Variants in ASIC2 observed in about 807,000 individuals in gnomAD.
ASIC2 encodes acid-sensing ion channel 2.
In ASIC2, 25 loss-of-function variants were observed where a neutral mutation model predicts 57.3. That is an observed-to-expected ratio of 0.44 (90% CI 0.32 to 0.61). The LOEUF is 0.61. Among genes scored for constraint, ASIC2 ranks in the 20% least tolerant of loss-of-function variants. The pLI, the probability that ASIC2 is intolerant of heterozygous loss-of-function variation, is 0.06. For missense variants in ASIC2, 641 were observed against 738.1 expected (o/e 0.87, Z 1.52); for synonymous variants, 319 against 307.5 (o/e 1.04, Z -0.39).
At chr17:33,422,033 C>T (rs1283892072) in intron 1 of ASIC2, among the ~76,000 whole-genome samples, 1 of 152,208 alleles carries the variant, frequency 6.6e-6, no homozygotes. Context: ...TCTATTCATT[C>T]TTCAAAATCC....
intron 1 of ASIC2, among the ~76,000 whole-genome samples, chr17:33,764,571 G>T (rs771284129): frequency 3.9e-5 from 6 of 152,118 alleles, no homozygotes; most frequent in Non-Finnish European, 8.8e-5. Context: ...AGGCAGCATG[G>T]GGCATCACAT....
rs375496633 is a variant in ASIC2 at position 34,143,294 on chromosome 17, A to G, written c.555+12684T>C. On this transcript the variant is annotated intron_variant, in intron 1 of 9. Transcript: ENST00000359872. ...AGCCTAACCTATGTTCAACTGTGAA[A>G]TAGACATATTGGTACATGCTATGGT... Among the ~76,000 whole-genome samples, 21 of 152,366 alleles carry G rather than the reference A, an allele frequency of 1.4e-4. 1 individual carries two copies. The highest frequency in any genetic ancestry group is 5.1e-4 in the African/African-American group (21 of 41,582).
intron 1 of ASIC2, among the ~76,000 whole-genome samples, chr17:34,085,375 C>T (rs1910071765): frequency 6.6e-6 from 1 of 152,144 alleles, no homozygotes; most frequent in South Asian, 2.1e-4. Flanking sequence ...GACTTGCATC[C>T]CAGGGATGAA....
At chr17:33,114,502 G>T (rs952678201) in intron 1 of ASIC2, among the ~76,000 whole-genome samples, 4 of 152,198 alleles carry the variant, frequency 2.6e-5, no homozygotes, top group Non-Finnish European at 4.4e-5. Flanking sequence ...GAAGGGATTT[G>T]CAAGCAAAAG....
At chr17:33,814,943 A>G (rs1423078145) in intron 1 of ASIC2, among the ~76,000 whole-genome samples, 2 of 152,146 alleles carry the variant, frequency 1.3e-5, no homozygotes, top group Non-Finnish European at 2.9e-5. Flanking sequence ...GTCAGTTGAA[A>G]TGGGAAAAAA....
intron 1 of ASIC2, among the ~76,000 whole-genome samples, chr17:33,183,181 T>C (rs1906055184): frequency 6.6e-6 from 1 of 152,186 alleles, no homozygotes; most frequent in African/African-American, 2.4e-5. Context: ...CGAAAGTAAG[T>C]TCTAAAAGTA....
intron 1 of ASIC2, among the ~76,000 whole-genome samples, chr17:33,906,015 T>A (rs1469703174): frequency 2.0e-5 from 3 of 149,496 alleles, no homozygotes; most frequent in African/African-American, 7.3e-5. Flanking sequence ...AATTAAATTT[T>A]TTTTTTTTTT....
chr17:33,266,199 C>T (rs544449678), intron 1 of ASIC2, among the ~76,000 whole-genome samples: 9 of 152,202 alleles, frequency 5.9e-5, no homozygotes, highest in Admixed American at 1.3e-4. Flanking sequence ...TGCTACAACC[C>T]CTGTTTGAGT....
intron 1 of ASIC2, among the ~76,000 whole-genome samples, chr17:33,633,386 G>C (rs60693002): frequency 0.014 from 2,065 of 152,288 alleles, 33 homozygotes; most frequent in African/African-American, 0.046. Context: ...GACATAGAAA[G>C]GTGAGATAGC....
intron 1 of ASIC2, among the ~76,000 whole-genome samples, chr17:33,707,272 C>T (rs1908891181): frequency 6.6e-6 from 1 of 152,048 alleles, no homozygotes. Context: ...AAACCTATAA[C>T]CTTTAATTAT....
intron 1 of ASIC2, among the ~76,000 whole-genome samples, chr17:33,428,454 G>C (rs1266204687): frequency 6.6e-6 from 1 of 152,130 alleles, no homozygotes; most frequent in Non-Finnish European, 1.5e-5. Flanking sequence ...GCTAAAACTT[G>C]GTTTACGCTG....
chr17:33,539,993 T>C (rs1915356835), intron 1 of ASIC2, among the ~76,000 whole-genome samples: 1 of 152,214 alleles, frequency 6.6e-6, no homozygotes, highest in Non-Finnish European at 1.5e-5. Context: ...AACTCAGCAC[T>C]TGTGTTCATT....
At chr17:33,856,780 G>C (rs1913967031) in intron 1 of ASIC2, among the ~76,000 whole-genome samples, 1 of 152,132 alleles carries the variant, frequency 6.6e-6, no homozygotes, top group Non-Finnish European at 1.5e-5. Flanking sequence ...AGAGGCCTGA[G>C]AGACCGCGAC....
At chr17:33,655,122 T>A (rs280046) in intron 1 of ASIC2, among the ~76,000 whole-genome samples, 118,503 of 152,108 alleles carry the variant, frequency 0.78, 46,548 homozygotes, top group African/African-American at 0.87. Flanking sequence ...TTCTGGCTCC[T>A]TACTGATTCC....
intron 1 of ASIC2, among the ~76,000 whole-genome samples, chr17:33,927,362 G>T (rs1230956192): frequency 6.6e-6 from 1 of 152,204 alleles, no homozygotes; most frequent in Non-Finnish European, 1.5e-5. Flanking sequence ...CAATGTGAGG[G>T]TAGTAAGAGC....
chr17:33,914,576 A>T (rs1179541449), intron 1 of ASIC2, among the ~76,000 whole-genome samples: 1 of 152,174 alleles, frequency 6.6e-6, no homozygotes, highest in Non-Finnish European at 1.5e-5. Flanking sequence ...GGGAAGCCAA[A>T]CAAGCGACCA....
At chr17:33,585,317 G>A (rs1341652234) in intron 1 of ASIC2, among the ~76,000 whole-genome samples, 1 of 152,170 alleles carries the variant, frequency 6.6e-6, no homozygotes, top group Admixed American at 6.5e-5. Context: ...CTGGCCCTGG[G>A]AACTTACATG....
intron 1 of ASIC2, chr17:33,955,531 T>C (rs968132052): frequency 5.3e-5 from 8 of 152,196 alleles, no homozygotes; most frequent in Admixed American, 1.3e-4. Flanking sequence ...AGTTCCTTCC[T>C]AAAGCAGCAG....
chr17:33,395,626 C>T (rs750310671), intron 1 of ASIC2, among the ~76,000 whole-genome samples: 1 of 152,210 alleles, frequency 6.6e-6, no homozygotes, highest in Non-Finnish European at 1.5e-5. Flanking sequence ...CCAGTCACTC[C>T]TCATTCACCC....
Sources: allele counts gnomAD v4.1 joint callset (sites outside exome capture counted in the v4.1 genomes callset), GRCh38; gene constraint gnomAD v4.1.1; transcripts MANE v1.5; gene names NCBI Gene and HGNC (gene_info 2026-07-23, HGNC 2026-07-21).